Variants in RNF150 observed in about 807,000 individuals in gnomAD.
The protein encoded by RNF150 is ring finger protein 150.
Under a neutral mutation model 39.3 loss-of-function variants are expected in RNF150, and 24 were observed. That is an observed-to-expected ratio of 0.61 (90% CI 0.44 to 0.86). The LOEUF is 0.86. Among genes scored for constraint, RNF150 ranks in the 40% least tolerant of loss-of-function variants. RNF150 has a pLI of 0.00. For missense variants in RNF150, 502 were observed against 587.8 expected (o/e 0.85, Z 1.51); for synonymous variants, 255 against 227.3 (o/e 1.12, Z -1.10).
At chr4:141,211,048 C>G (rs9996068) in intron 1 of RNF150, among the ~76,000 whole-genome samples, 70,788 of 151,964 alleles carry the variant, frequency 0.47, 17,210 homozygotes, top group East Asian at 0.8. Flanking sequence ...GACTTCAGTA[C>G]TAAAGTTCTT....
At chr4:141,116,825 G>A (rs948257969) in intron 1 of RNF150, among the ~76,000 whole-genome samples, 2 of 152,184 alleles carry the variant, frequency 1.3e-5, no homozygotes, top group Non-Finnish European at 2.9e-5. Flanking sequence ...AAAATGATGA[G>A]TTCATGTCCT....
chr4:140,915,080 G>A (rs926411253), intron 5 of RNF150, among the ~76,000 whole-genome samples: 2 of 152,130 alleles, frequency 1.3e-5, no homozygotes, highest in Non-Finnish European at 2.9e-5. Flanking sequence ...TCATAAATAC[G>A]ATTGTGTAAC....
At chr4:141,148,551 C>G (rs1452811410) in intron 1 of RNF150, among the ~76,000 whole-genome samples, 1 of 152,086 alleles carries the variant, frequency 6.6e-6, no homozygotes, top group Non-Finnish European at 1.5e-5. Context: ...TCAAGCAATT[C>G]TGCTGCAGCC....
Position 141,070,932 on chromosome 4 carries a change from C to T in RNF150, c.484+61393G>A, listed in dbSNP as rs983789694. 9.5e-3 allele frequency among the ~76,000 whole-genome samples: 1,349 copies of T among 141,300 alleles called. 28 individuals carry two copies. The highest frequency in any genetic ancestry group is 0.032 in the African/African-American group (1,220 of 37,812). 92.7% of individuals were successfully genotyped at this position (141,300 alleles called of 152,430 possible). A position where few individuals can be genotyped will look rare whatever the true frequency, so the allele number is the denominator to read the frequency against. On this transcript the variant is annotated intron_variant, in intron 1 of 6. Transcript: ENST00000515673. ...ATGCTGCTATAAAGACTCATGCACA[C>T]GTATATTTATTGCAGCACTATTCAC...
At chr4:140,986,539 A>G (rs909930051) in intron 1 of RNF150, among the ~76,000 whole-genome samples, 9 of 152,064 alleles carry the variant, frequency 5.9e-5, no homozygotes, top group Non-Finnish European at 4.4e-5. Context: ...CTCCCTGCAT[A>G]TCTCTTTCCA....
intron 1 of RNF150, among the ~76,000 whole-genome samples, chr4:141,191,358 C>T (rs1728107420): frequency 6.6e-6 from 1 of 152,196 alleles, no homozygotes; most frequent in Non-Finnish European, 1.5e-5. Context: ...TTGGGTGTCC[C>T]ACCTCAATCC....
chr4:140,882,464 C>T (rs955914506), intron 6 of RNF150, among the ~76,000 whole-genome samples: 1 of 152,048 alleles, frequency 6.6e-6, no homozygotes, highest in African/African-American at 2.4e-5. Flanking sequence ...TATAGTGTTG[C>T]TCTATTCTAC....
At chr4:141,068,489 G>T (rs1328908167) in intron 1 of RNF150, among the ~76,000 whole-genome samples, 2 of 152,106 alleles carry the variant, frequency 1.3e-5, no homozygotes, top group Non-Finnish European at 2.9e-5. Context: ...AAGTCAGGTA[G>T]TGTGATGCCT....
rs549357519 is a variant in RNF150 at position 140,917,954 on chromosome 4, C to T, written c.988-6600G>A. On this transcript the variant is annotated intron_variant, in intron 5 of 6. Coordinates refer to ENST00000515673, the MANE Select transcript of RNF150 (RefSeq NM_020724.2). ...TCCTGAATGACTACTGGGTACATAA[C>T]GAAATGAAGGCAGAAATAAAGATGT... is the stretch of plus-strand genomic sequence containing the variant. Among the ~76,000 whole-genome samples the T allele has an allele frequency of 2.4e-3, 365 of 151,844 alleles. 1 individual carries two copies. The highest frequency in any genetic ancestry group is 7.3e-3 in the African/African-American group (302 of 41,386).
intron 1 of RNF150, among the ~76,000 whole-genome samples, chr4:140,973,540 G>GA (rs71704831): frequency 0.25 from 38,042 of 149,780 alleles, 5,151 homozygotes; most frequent in African/African-American, 0.35. Flanking sequence ...CCTCTCATTT[G>GA]AAAAAAAAAC....
intron 1 of RNF150, among the ~76,000 whole-genome samples, chr4:140,983,552 C>T (rs1191343763): frequency 5.9e-5 from 9 of 151,546 alleles, no homozygotes; most frequent in Admixed American, 4.6e-4. Context: ...GATCTTGCCT[C>T]ATGTAGGGCA....
chr4:141,177,791 G>A lies in RNF150; in HGVS notation c.-6+35003C>T, dbSNP rs561447282. 2.1e-3 allele frequency among the ~76,000 whole-genome samples: 322 copies of A among 152,230 alleles called. 1 individual carries two copies. The highest frequency in any genetic ancestry group is 3.7e-3 in the Non-Finnish European group (255 of 68,010). ...GCTCATTTCATTGATACCTTGCGGA[G>A]GCCAGGAGGTGCTCACGGATAACTC... On this transcript the variant is annotated intron_variant, in intron 1 of 7. Coordinates refer to the RNF150 transcript ENST00000420921.
chr4:141,138,414 G>T (rs1227696434), upstream of RNF150, among the ~76,000 whole-genome samples: 1 of 151,916 alleles, frequency 6.6e-6, no homozygotes, highest in East Asian at 1.9e-4. Flanking sequence ...CCTGAAAAGA[G>T]GGAACACTCT....
At chr4:141,181,572 A>T (rs1260520855) in intron 1 of RNF150, among the ~76,000 whole-genome samples, 1 of 152,200 alleles carries the variant, frequency 6.6e-6, no homozygotes, top group East Asian at 1.9e-4. Flanking sequence ...GAAATCACTC[A>T]TGCATAGACA....
intron 1 of RNF150, among the ~76,000 whole-genome samples, chr4:141,061,782 T>C (rs1372101586): frequency 6.6e-6 from 1 of 152,160 alleles, no homozygotes; most frequent in African/African-American, 2.4e-5. Flanking sequence ...AGACTTAAAA[T>C]ATCCTCTCTG....
chr4:141,062,302 T>A (rs1737265252), intron 1 of RNF150, among the ~76,000 whole-genome samples: 1 of 152,178 alleles, frequency 6.6e-6, no homozygotes, highest in South Asian at 2.1e-4. Flanking sequence ...TTATACATGA[T>A]ATAAAGATAA....
intron 1 of RNF150, among the ~76,000 whole-genome samples, chr4:141,100,810 T>G (rs1273538521): frequency 6.6e-6 from 1 of 152,252 alleles, no homozygotes; most frequent in Non-Finnish European, 1.5e-5. Flanking sequence ...TATTGCCTAT[T>G]GCTCCTAGGC....
intron 4 of RNF150, among the ~76,000 whole-genome samples, chr4:140,928,705 C>T (rs1731495014): frequency 6.6e-6 from 1 of 152,096 alleles, no homozygotes; most frequent in African/African-American, 2.4e-5. Context: ...TGCCACCACG[C>T]CCAGCTATTT....
chr4:140,936,256 C>A (rs1484082562), intron 4 of RNF150, among the ~76,000 whole-genome samples: 1 of 152,122 alleles, frequency 6.6e-6, no homozygotes, highest in Non-Finnish European at 1.5e-5. Flanking sequence ...TTGCATCAGT[C>A]TTTCTGTTAA....
Sources: allele counts gnomAD v4.1 joint callset (sites outside exome capture counted in the v4.1 genomes callset), GRCh38; gene constraint gnomAD v4.1.1; transcripts MANE v1.5; gene names NCBI Gene and HGNC (gene_info 2026-07-23, HGNC 2026-07-21).